PDE4D: variants seen among roughly 807,000 people sequenced by gnomAD.
PDE4D encodes the protein 3',5'-cyclic-AMP phosphodiesterase 4D.
PDE4D carries 24 observed loss-of-function variants against 87.4 expected under a neutral mutation model. That is an observed-to-expected ratio of 0.27 (90% CI 0.20 to 0.39). The LOEUF is 0.39. Ranked by LOEUF, PDE4D falls within the 10% of genes least tolerant of loss-of-function variation. PDE4D has a pLI of 1.00. For missense variants in PDE4D, 714 were observed against 1,041.0 expected (o/e 0.69, Z 4.32); for synonymous variants, 384 against 383.2 (o/e 1.00, Z -0.02).
chr5:60,328,037 C>T (rs886667993), intron 1 of PDE4D, among the ~76,000 whole-genome samples: 3 of 152,064 alleles, frequency 2.0e-5, no homozygotes, highest in Non-Finnish European at 4.4e-5. Context: ...TTCCTCTGAC[C>T]TCAGATAATT....
At chr5:59,538,016 G>C (rs543600674) in intron 1 of PDE4D, among the ~76,000 whole-genome samples, 1 of 152,316 alleles carries the variant, frequency 6.6e-6, no homozygotes, top group East Asian at 1.9e-4. Context: ...GACCATCCCT[G>C]TTGTGTCATA....
chr5:60,066,612 T>G (rs1359138059), intron 2 of PDE4D, among the ~76,000 whole-genome samples: 1 of 151,846 alleles, frequency 6.6e-6, no homozygotes, highest in Non-Finnish European at 1.5e-5. Context: ...ATCATCATCA[T>G]CATCATCATC....
At chr5:59,523,147 A>G (rs1253637389) in intron 1 of PDE4D, among the ~76,000 whole-genome samples, 1 of 152,140 alleles carries the variant, frequency 6.6e-6, no homozygotes, top group Admixed American at 6.6e-5. Flanking sequence ...TACCTTATAC[A>G]TACATTTTGC....
intron 1 of PDE4D, among the ~76,000 whole-genome samples, chr5:59,615,677 C>G (rs1047816360): frequency 1.3e-5 from 2 of 152,182 alleles, no homozygotes; most frequent in African/African-American, 4.8e-5. Context: ...CAATACAGTT[C>G]ACATTTCAGT....
intron 2 of PDE4D, among the ~76,000 whole-genome samples, chr5:60,053,740 T>C (rs1335917586): frequency 6.7e-6 from 1 of 149,846 alleles, no homozygotes; most frequent in Non-Finnish European, 1.5e-5. Context: ...ATCATCAGAG[T>C]GAACAGGCAA....
chr5:59,029,920 A>C (rs796448020), intron 6 of PDE4D, among the ~76,000 whole-genome samples: 3 of 149,740 alleles, frequency 2.0e-5, no homozygotes, highest in African/African-American at 7.4e-5. Flanking sequence ...AAAGGGTCCA[A>C]GAACACACAA....
chr5:59,344,876 G>A (rs1401725181), intron 1 of PDE4D, among the ~76,000 whole-genome samples: 1 of 151,982 alleles, frequency 6.6e-6, no homozygotes, highest in East Asian at 1.9e-4. Flanking sequence ...TTAAGAAATG[G>A]GACCCACAGT....
chr5:59,415,648 T>A (rs111684622), intron 1 of PDE4D, among the ~76,000 whole-genome samples: 11 of 152,284 alleles, frequency 7.2e-5, no homozygotes, highest in African/African-American at 2.6e-4. Flanking sequence ...AGATCCAGTA[T>A]AATTGAGGAC....
At chr5:59,548,975 C>A (rs1239573199) in intron 1 of PDE4D, among the ~76,000 whole-genome samples, 1 of 152,110 alleles carries the variant, frequency 6.6e-6, no homozygotes, top group Non-Finnish European at 1.5e-5. Context: ...TTCCACGAAT[C>A]ATTATTATTT....
intron 1 of PDE4D, among the ~76,000 whole-genome samples, chr5:59,348,025 TTCTG>T (rs1779890514): frequency 1.3e-5 from 2 of 152,170 alleles, no homozygotes; most frequent in African/African-American, 4.8e-5. Flanking sequence ...CTTGTTTATT[TTCTG>T]TCTTTCTCTA....
At chr5:59,073,520 T>G (rs867233476) in intron 5 of PDE4D, among the ~76,000 whole-genome samples, 1,998 of 83,204 alleles carry the variant, frequency 0.024, 2 homozygotes, top group Non-Finnish European at 0.034. Flanking sequence ...GGGGGGCGGG[T>G]GGTTGGAGAT....
intron 1 of PDE4D, among the ~76,000 whole-genome samples, chr5:59,319,146 G>C (rs1297683668): frequency 7.1e-6 from 1 of 140,704 alleles, no homozygotes; most frequent in East Asian, 2.0e-4. Context: ...TCAAATATGA[G>C]AGAGTACATA....
chr5:59,888,813 A>C (rs931573794), intron 1 of PDE4D, among the ~76,000 whole-genome samples: 1 of 152,198 alleles, frequency 6.6e-6, no homozygotes, highest in African/African-American at 2.4e-5. Flanking sequence ...CTGAAAAATC[A>C]ATAAAACAAT....
At chr5:59,228,439 C>CAAA in intron 1 of PDE4D, among the ~76,000 whole-genome samples, 1 of 148,648 alleles carries the variant, frequency 6.7e-6, no homozygotes, top group South Asian at 2.1e-4. Context: ...ACAACAACAA[C>CAAA]AAAAAAAAAA....
At chr5:59,908,939 C>G (rs907455918) in intron 3 of PDE4D, among the ~76,000 whole-genome samples, 1 of 152,144 alleles carries the variant, frequency 6.6e-6, no homozygotes, top group African/African-American at 2.4e-5. Flanking sequence ...CCATACCCAT[C>G]ATTTGATCTT....
At chr5:59,438,198 G>C (rs540568428) in intron 1 of PDE4D, among the ~76,000 whole-genome samples, 18 of 152,300 alleles carry the variant, frequency 1.2e-4, no homozygotes, top group African/African-American at 4.1e-4. Flanking sequence ...TTCAAGATGA[G>C]ATATGGGTGG....
intron 1 of PDE4D, among the ~76,000 whole-genome samples, chr5:59,792,492 A>C (rs539197603): frequency 6.3e-4 from 96 of 151,370 alleles, no homozygotes; most frequent in Middle Eastern, 3.4e-3. Context: ...CCACATGGAA[A>C]AAGCACTAAC....
rs1561879282 is a variant in PDE4D at position 59,933,792 on chromosome 5, T to TATATATATA, written c.272+54695_272+54696insTATATATAT. Among the ~76,000 whole-genome samples, 344 of 99,422 alleles carry TATATATATA rather than the reference T, an allele frequency of 3.5e-3. 2 individuals are homozygous for TATATATATA. Among genetic ancestry groups the TATATATATA allele is most frequent in the African/African-American group, 0.016 (324 of 20,544 alleles). The allele number at this position is 99,422 out of a possible 152,430, so 65.2% of individuals were successfully genotyped here. On this transcript the variant is annotated intron_variant, in intron 3 of 16. Coordinates refer to the PDE4D transcript ENST00000502484. ...AGGAGATATATATATATATATATAT[T>TATATATATA]AATAAGCATTCATATAAAAGATAAT...
intron 1 of PDE4D, among the ~76,000 whole-genome samples, chr5:59,678,213 G>A (rs887013056): frequency 2.0e-5 from 3 of 152,148 alleles, no homozygotes; most frequent in Admixed American, 6.5e-5. Flanking sequence ...TATTTTCATG[G>A]TAATAGTTTT....
Sources: gnomAD v4.1 joint callset for allele counts (sites outside exome capture counted in the v4.1 genomes callset) on GRCh38, gnomAD v4.1.1 for gene constraint, MANE v1.5 for transcripts, NCBI Gene and HGNC (gene_info 2026-07-23, HGNC 2026-07-21) for gene names.